Variants in HS3ST5 observed in about 807,000 individuals in gnomAD.
The protein encoded by HS3ST5 is heparan sulfate-glucosamine 3-sulfotransferase 5, also known as heparan sulfate glucosamine 3-O-sulfotransferase 5.
Under a neutral mutation model 25.4 loss-of-function variants are expected in HS3ST5, and 10 were observed. The ratio of observed to expected loss-of-function variants is 0.39; its 90% confidence interval spans 0.24 to 0.67. The LOEUF is 0.67. Ranked by LOEUF, HS3ST5 falls within the 30% of genes least tolerant of loss-of-function variation. The probability of loss-of-function intolerance (pLI) is 0.44; values close to 1 mark genes in which losing one functional copy is unlikely to be tolerated. For missense variants in HS3ST5, 324 were observed against 420.7 expected, an observed-to-expected ratio of 0.77 and a Z score of 2.01; for synonymous variants, 170 against 162.4, an observed-to-expected ratio of 1.05 and a Z score of -0.36.
intron 2 of HS3ST5, among the ~76,000 whole-genome samples, chr6:114,198,901 C>G (rs534499626): frequency 6.6e-6 from 1 of 152,144 alleles, no homozygotes; most frequent in East Asian, 1.9e-4. Flanking sequence ...CCTCTATTCC[C>G]AGGTGTAGCT....
chr6:114,080,760 A>G (rs1350411517), intron 3 of HS3ST5, among the ~76,000 whole-genome samples: 2 of 152,184 alleles, frequency 1.3e-5, no homozygotes, highest in Non-Finnish European at 2.9e-5. Context: ...CATAGGAACA[A>G]TAGACACTGC....
intron 1 of HS3ST5, among the ~76,000 whole-genome samples, chr6:114,330,606 G>T (rs1298256767): frequency 6.6e-6 from 1 of 152,082 alleles, no homozygotes; most frequent in Admixed American, 6.6e-5. Flanking sequence ...GCATCCACAG[G>T]TTCCACCCAG....
chr6:114,154,494 T>C (rs548020506), intron 3 of HS3ST5, among the ~76,000 whole-genome samples: 52 of 152,148 alleles, frequency 3.4e-4, no homozygotes, highest in Middle Eastern at 3.2e-3. Context: ...TCCATGTCTG[T>C]TGTTTTTGAA....
chr6:114,102,047 T>C (rs1233745581), intron 3 of HS3ST5, among the ~76,000 whole-genome samples: 4 of 152,034 alleles, frequency 2.6e-5, no homozygotes, highest in African/African-American at 7.2e-5. Flanking sequence ...TGGGGCCTAC[T>C]TGAGGGTGAA....
intron 4 of HS3ST5, 69 bp from the exon 5 acceptor site, chr6:114,058,259 G>T: frequency 1.7e-6 from 2 of 1,206,958 alleles, no homozygotes; most frequent in Non-Finnish European, 2.3e-6. Flanking sequence ...TCCCCAGTCA[G>T]ACCAAGACTT....
At chr6:114,252,575 T>C (rs570926489) in intron 1 of HS3ST5, among the ~76,000 whole-genome samples, 16 of 152,292 alleles carry the variant, frequency 1.1e-4, no homozygotes, top group African/African-American at 3.4e-4. Flanking sequence ...TTAATCAAAC[T>C]TTCAAGATGT....
chr6:114,202,213 C>T (rs1287406791), intron 2 of HS3ST5, among the ~76,000 whole-genome samples: 3 of 152,116 alleles, frequency 2.0e-5, no homozygotes, highest in African/African-American at 7.2e-5. Context: ...TGAGACCAGG[C>T]GTTTGACACT....
At chr6:114,068,142 A>G (rs563833034) in intron 3 of HS3ST5, among the ~76,000 whole-genome samples, 3 of 152,328 alleles carry the variant, frequency 2.0e-5, no homozygotes, top group South Asian at 4.1e-4. Flanking sequence ...TAAAGTATAA[A>G]TAACTTTTAA....
chr6:114,092,923 C>T (rs951043353), intron 3 of HS3ST5, among the ~76,000 whole-genome samples: 2 of 152,126 alleles, frequency 1.3e-5, no homozygotes, highest in Non-Finnish European at 2.9e-5. Flanking sequence ...GATCCACCCA[C>T]CTTGGCCTCT....
At chr6:114,200,030 G>T (rs1050244665) in intron 2 of HS3ST5, among the ~76,000 whole-genome samples, 7 of 152,250 alleles carry the variant, frequency 4.6e-5, no homozygotes, top group Admixed American at 6.5e-5. Flanking sequence ...AAACCAGCCT[G>T]ACCAACATAG....
Position 114,294,930 on chromosome 6 carries a change from T to C in HS3ST5, c.-339+47265A>G, listed in dbSNP as rs377568038. ...AAATATCTAAAGGCGAGGATGTCTG[T>C]GCAATTGAGGATTACAGTTCTCTTA... On this transcript the variant is annotated intron_variant, in intron 1 of 4. Coordinates refer to ENST00000312719, the MANE Select transcript of HS3ST5 (RefSeq NM_153612.4). Among the ~76,000 whole-genome samples, 199 of 152,350 alleles carry C rather than the reference T, an allele frequency of 1.3e-3. 10 individuals carry two copies. In the South Asian group the frequency reaches 0.041, roughly 31 times the overall value.
intron 1 of HS3ST5, among the ~76,000 whole-genome samples, chr6:114,316,451 A>G (rs1348322805): frequency 6.6e-6 from 1 of 152,234 alleles, no homozygotes; most frequent in Non-Finnish European, 1.5e-5. Context: ...GAACACATCC[A>G]GTATTGTTTA....
At chr6:114,204,410 G>C (rs933762438) in intron 2 of HS3ST5, among the ~76,000 whole-genome samples, 1 of 151,994 alleles carries the variant, frequency 6.6e-6, no homozygotes, top group Non-Finnish European at 1.5e-5. Context: ...ACTGGTGATT[G>C]GTACTCTTTT....
chr6:114,237,421 C>T (rs961635104), intron 1 of HS3ST5, among the ~76,000 whole-genome samples: 16 of 151,370 alleles, frequency 1.1e-4, no homozygotes, highest in Non-Finnish European at 2.1e-4. Flanking sequence ...TAAGTTATTT[C>T]TTCCTCCTCA....
At chr6:114,123,029 C>T (rs1048792086) in intron 3 of HS3ST5, among the ~76,000 whole-genome samples, 3 of 152,120 alleles carry the variant, frequency 2.0e-5, no homozygotes, top group Admixed American at 6.5e-5. Flanking sequence ...CTCAGCTCAC[C>T]GCAAACTCCA....
rs117079620 is a variant in HS3ST5 at position 114,241,277 on chromosome 6, G to A, written c.-338-12499C>T. Among the ~76,000 whole-genome samples, 200 of 151,934 alleles carry A rather than the reference G, an allele frequency of 1.3e-3. 3 individuals are homozygous for A. The East Asian group carries it at 0.029, about 22-fold the overall frequency. On this transcript the variant is annotated intron_variant, in intron 1 of 4. Transcript: ENST00000312719. ...AAAACTTGCTTGGATAGTTTAGCAT[G>A]GAAAAGTCAAAACTTTCTCTTGGGC...
intron 1 of HS3ST5, among the ~76,000 whole-genome samples, chr6:114,312,310 G>A (rs1354600975): frequency 6.6e-6 from 1 of 152,002 alleles, no homozygotes; most frequent in Non-Finnish European, 1.5e-5. Flanking sequence ...GGAACAACTG[G>A]ATATACAAAT....
intron 2 of HS3ST5, among the ~76,000 whole-genome samples, chr6:114,187,230 AT>A (rs1159354879): frequency 6.6e-6 from 1 of 152,238 alleles, no homozygotes; most frequent in Admixed American, 6.5e-5. Flanking sequence ...TCATAAGGCT[AT>A]AGCTGCCATA....
chr6:114,268,396 C>G (rs766557019), intron 1 of HS3ST5, among the ~76,000 whole-genome samples: 2 of 152,126 alleles, frequency 1.3e-5, no homozygotes, highest in African/African-American at 2.4e-5. Context: ...TAGAAAATAA[C>G]TACAAAGGAT....
Sources: allele counts gnomAD v4.1 joint callset (sites outside exome capture counted in the v4.1 genomes callset), GRCh38; gene constraint gnomAD v4.1.1; transcripts MANE v1.5; gene names NCBI Gene and HGNC (gene_info 2026-07-23, HGNC 2026-07-21).